The following SLC15A1 variants were observed in gnomAD, a reference collection of about 807,000 sequenced individuals.
SLC15A1 encodes Caco-2 oligopeptide transporter.
SLC15A1 carries 83 observed loss-of-function variants against 92.9 expected under a neutral mutation model. That is an observed-to-expected ratio of 0.89 (90% confidence interval 0.75 to 1.07). The LOEUF (loss-of-function observed/expected upper bound fraction) is 1.07. Ranked by LOEUF, SLC15A1 falls within the 50% of genes least tolerant of loss-of-function variation. The probability of loss-of-function intolerance (pLI) is 0.00; values close to 1 mark genes in which losing one functional copy is unlikely to be tolerated. For synonymous variants in SLC15A1, 322 were observed against 318.2 expected (o/e 1.01, Z -0.13); for missense variants, 857 against 880.1 (o/e 0.97, Z 0.33).
chr13:98,730,838 C>T (rs2088345291), intron 1 of SLC15A1, among the ~76,000 whole-genome samples: 1 of 152,234 alleles, frequency 6.6e-6, no homozygotes, highest in Admixed American at 6.5e-5. Flanking sequence ...CAGGACCGTC[C>T]TTCTTCTTCA....
intron 18 of SLC15A1, among the ~76,000 whole-genome samples, chr13:98,697,388 A>G (rs1176006601): frequency 6.6e-6 from 1 of 152,174 alleles, no homozygotes; most frequent in Non-Finnish European, 1.5e-5. Flanking sequence ...TAAGCTACTC[A>G]GCCTGTACTA....
At position 98,705,135 on chromosome 13, in the gene SLC15A1, G is replaced by T. The variant is rs9513468; in HGVS notation, c.1270-700C>A. 7.7e-3 allele frequency among the ~76,000 whole-genome samples: 1,142 copies of T among 147,404 alleles called. 8 individuals are homozygous for T. Among genetic ancestry groups the T allele is most frequent in the South Asian group, 0.016 (74 of 4,614 alleles). On this transcript the variant is annotated intron_variant, in intron 16 of 22. Transcript: ENST00000376503. ...AATCGCTTAAACCCAGGAGGCAGAG[G>T]TTACAGTGAGCCAAGATAGCGCCAC...
In SLC15A1 at chr13:98,709,770, G is replaced by A; in HGVS notation, c.950C>T (p.Ala317Val). The A allele has an allele frequency of 2.5e-6, 4 of 1,614,128 alleles. No individual in the cohort carries two copies. Among genetic ancestry groups the A allele is most frequent in the East Asian group, 2.2e-5 (1 of 44,884 alleles). Reference protein sequence around the residue: ...QATTMSGKIGALEIQPDQMQT... With the variant: ...QATTMSGKIGVLEIQPDQMQT... ...CATCTGATCGGGCTGAATTTCAAGA[G>A]CTCCCTAAAAAGAGAGGAAAACAAT... Residue 317 changes from alanine to valine, a missense_variant, in exon 13 of 23, where the codon GCT becomes GTT. Physicochemically the swap from Ala to Val is moderately conservative, Grantham distance 64. Transcript: ENST00000376503.
intron 1 of SLC15A1, among the ~76,000 whole-genome samples, chr13:98,734,895 T>C (rs1321885453): frequency 6.6e-6 from 1 of 152,104 alleles, no homozygotes; most frequent in African/African-American, 2.4e-5. Flanking sequence ...CACAGCCGAA[T>C]TTAAAGGTAC....
At chr13:98,700,762 T>C (rs2088060653) in intron 18 of SLC15A1, among the ~76,000 whole-genome samples, 1 of 152,224 alleles carries the variant, frequency 6.6e-6, no homozygotes, top group South Asian at 2.1e-4. Context: ...GTCAAGTTCA[T>C]TTATTACATA....
intron 1 of SLC15A1, 121 bp downstream of exon 1, chr13:98,752,474 T>A: frequency 1.0e-6 from 1 of 974,702 alleles, no homozygotes; most frequent in Non-Finnish European, 1.3e-6. Flanking sequence ...CCCGTGGGCC[T>A]TCGGGTCGCC....
At position 98,688,310 on chromosome 13, in the gene SLC15A1, G is replaced by T; in HGVS notation, c.1621C>A (p.Pro541Thr). ...TCAAGGTAGAAAGTATTGAAATTAG[G>T]TTGACATTGTGGCGGAATCTCTGTT... Reference protein sequence around the residue: ...SSTEIPPQCQPNFNTFYLEFG... With the variant: ...SSTEIPPQCQTNFNTFYLEFG... The change falls in exon 20 of 23, where the codon CCT becomes ACT. Residue 541 changes from proline to threonine, a missense_variant. By Grantham distance (38) the Pro-to-Thr change is conservative. Transcript: ENST00000376503. 1 of 1,614,052 alleles carries T rather than the reference G, an allele frequency of 6.2e-7. No homozygotes were observed. The highest frequency in any genetic ancestry group is 2.2e-5 in the East Asian group (1 of 44,844).
chr13:98,687,714 C>T lies in SLC15A1; in HGVS notation c.1694G>A (p.Cys565Tyr), dbSNP rs1406490318. Residue 565 changes from cysteine to tyrosine, a missense_variant, in exon 21 of 23, where the codon TGC becomes TAC. By Grantham distance (194) the Cys-to-Tyr change is radical. Transcript: ENST00000376503. ...TYIVQRKNDS[C>Y]PEVKVFEDIS... ...ATCTTCAAACACCTTCACTTCAGGG[C>T]AGCTGTCATTCTGCAGCAGTAAGGC... 4.8e-5 allele frequency: 77 copies of T among 1,613,314 alleles called. No homozygotes were observed. The highest frequency in any genetic ancestry group is 6.4e-5 in the Non-Finnish European group (76 of 1,179,870).
intron 18 of SLC15A1, among the ~76,000 whole-genome samples, chr13:98,690,439 T>C (rs952372985): frequency 3.3e-5 from 5 of 152,118 alleles, no homozygotes; most frequent in Non-Finnish European, 7.4e-5. Context: ...AAGATGAAGA[T>C]CACCCACACA....
chr13:98,742,011 G>A (rs2088452085), intron 1 of SLC15A1, among the ~76,000 whole-genome samples: 1 of 152,230 alleles, frequency 6.6e-6, no homozygotes, highest in South Asian at 2.1e-4. Flanking sequence ...GTTGCCATGT[G>A]GACAGCAGCC....
intron 1 of SLC15A1, among the ~76,000 whole-genome samples, chr13:98,748,772 C>CA (rs1369402884): frequency 1.2e-4 from 18 of 151,530 alleles, no homozygotes; most frequent in African/African-American, 2.2e-4. Flanking sequence ...GGGCAGGGGT[C>CA]AAAAAAAAGA....
At chr13:98,712,629 C>A in intron 9 of SLC15A1, 45 bp from the exon 10 acceptor site, 2 of 1,402,066 alleles carry the variant, frequency 1.4e-6, no homozygotes, top group Non-Finnish European at 2.0e-6. Context: ...GGACCAACAA[C>A]TTTGTCAGGG....
At chr13:98,694,508 G>A (rs754186758) in intron 18 of SLC15A1, among the ~76,000 whole-genome samples, 28 of 151,794 alleles carry the variant, frequency 1.8e-4, no homozygotes, top group Middle Eastern at 3.4e-3. Flanking sequence ...ATACATAGTG[G>A]GTGCATGCTC....
At chr13:98,743,804 C>T (rs2088469596) in intron 1 of SLC15A1, among the ~76,000 whole-genome samples, 1 of 151,938 alleles carries the variant, frequency 6.6e-6, no homozygotes, top group South Asian at 2.1e-4. Flanking sequence ...TGCCAGACTG[C>T]CGAGGGTAAA....
chr13:98,744,408 G>A (rs1381584303), intron 1 of SLC15A1, among the ~76,000 whole-genome samples: 2 of 150,738 alleles, frequency 1.3e-5, no homozygotes, highest in African/African-American at 2.4e-5. Context: ...TAAGTATGAC[G>A]TTAGGGTATA....
intron 1 of SLC15A1, among the ~76,000 whole-genome samples, chr13:98,730,835 G>A (rs745492140): frequency 2.6e-5 from 4 of 152,330 alleles, no homozygotes; most frequent in African/African-American, 4.8e-5. Context: ...TTCCAGGACC[G>A]TCCTTCTTCT....
At chr13:98,750,151 C>T (rs1043238853) in intron 1 of SLC15A1, among the ~76,000 whole-genome samples, 6 of 151,606 alleles carry the variant, frequency 4.0e-5, no homozygotes, top group Non-Finnish European at 8.8e-5. Context: ...TCACTCTTGT[C>T]GTCCAGGCTG....
At chr13:98,729,003 A>C (rs1275387344) in intron 1 of SLC15A1, among the ~76,000 whole-genome samples, 12 of 145,330 alleles carry the variant, frequency 8.3e-5, no homozygotes, top group Non-Finnish European at 1.5e-4. Context: ...AAAAAAAAAA[A>C]AAACAACAAG....
intron 1 of SLC15A1, among the ~76,000 whole-genome samples, chr13:98,729,230 A>G (rs2088328701): frequency 1.3e-5 from 2 of 151,966 alleles, no homozygotes; most frequent in African/African-American, 4.8e-5. Context: ...AATCATATGT[A>G]CCCCATAAAT....
Sources: gnomAD v4.1 joint callset for allele counts (sites outside exome capture counted in the v4.1 genomes callset) on GRCh38, gnomAD v4.1.1 for gene constraint, MANE v1.5 for transcripts, NCBI Gene and HGNC (gene_info 2026-07-23, HGNC 2026-07-21) for gene names.